Variants in KIAA0319 observed in about 807,000 individuals in gnomAD.
The protein encoded by KIAA0319 is dyslexia-associated protein KIAA0319.
Under a neutral mutation model 108.4 loss-of-function variants are expected in KIAA0319, and 83 were observed. The observed-to-expected ratio is 0.77, with a 90% confidence interval of 0.64 to 0.92. The LOEUF (loss-of-function observed/expected upper bound fraction) is 0.92. Among genes scored for constraint, KIAA0319 ranks in the 40% least tolerant of loss-of-function variants. The pLI, the probability that KIAA0319 is intolerant of heterozygous loss-of-function variation, is 0.00. For synonymous variants in KIAA0319, 484 were observed against 510.4 expected, an observed-to-expected ratio of 0.95 and a Z score of 0.70; for missense variants, 1,195 against 1,322.4, an observed-to-expected ratio of 0.90 and a Z score of 1.49.
rs1209081106 is a variant in KIAA0319, at chr6:24,600,983, G to A, written c.55+66C>T. 8 of 1,599,450 alleles carry A rather than the reference G, an allele frequency of 5.0e-6. No individual in the cohort carries two copies. In the African/African-American group the frequency reaches 8.1e-5, roughly 16 times the overall value. On this transcript the variant is annotated intron_variant, in intron 2 of 20. Transcript: ENST00000378214. ...CAGCGTCTTCACCTCAGGTTGATCT[G>A]AGTTGCTTACACTAGTCAAGAAACT... is the stretch of plus-strand genomic sequence containing the variant.
At chr6:24,567,126 C>T (rs1467878638) in intron 13 of KIAA0319, among the ~76,000 whole-genome samples, 1 of 152,010 alleles carries the variant, frequency 6.6e-6, no homozygotes, top group Non-Finnish European at 1.5e-5. Context: ...TACTGGTCCA[C>T]ACTATCTGGC....
chr6:24,548,644 G>A lies in KIAA0319; in HGVS notation c.3041-1301C>T, dbSNP rs536043922. 5.2e-4 allele frequency among the ~76,000 whole-genome samples: 79 copies of A among 152,256 alleles called. 2 individuals carry two copies. The South Asian group carries it at 0.015, about 28-fold the overall frequency. ...GAAGAGATTTTAGACAAGAGGACGG[G>A]GAAGGTCATGGAGTATGCAGAAGCA... On this transcript the variant is annotated intron_variant, in intron 20 of 20. Transcript: ENST00000378214.
intron 1 of KIAA0319, among the ~76,000 whole-genome samples, chr6:24,611,070 T>C (rs962499253): frequency 1.3e-5 from 2 of 152,106 alleles, no homozygotes; most frequent in African/African-American, 4.8e-5. Flanking sequence ...ATATGAAATA[T>C]GCAGGATGGT....
At chr6:24,576,151 A>G (rs553198516) in intron 10 of KIAA0319, among the ~76,000 whole-genome samples, 65 of 152,346 alleles carry the variant, frequency 4.3e-4, no homozygotes, top group Non-Finnish European at 9.0e-4. Flanking sequence ...CACAGAGCCA[A>G]TTGGTTGCTG....
chr6:24,596,954 TCCATCCATCCATCCATCCACCCTC>T (rs1164270626), intron 2 of KIAA0319, among the ~76,000 whole-genome samples: 3 of 151,788 alleles, frequency 2.0e-5, no homozygotes, highest in Non-Finnish European at 1.5e-5. Flanking sequence ...TTTCCATCCA[TCCATCCATCCATCCATCCACCCTC>T]CCATCCATCC....
intron 16 of KIAA0319, among the ~76,000 whole-genome samples, chr6:24,559,765 A>C (rs1182431031): frequency 6.6e-6 from 1 of 152,198 alleles, no homozygotes; most frequent in East Asian, 1.9e-4. Flanking sequence ...TGTAAATGGA[A>C]TGGCTTTTAG....
intron 1 of KIAA0319, among the ~76,000 whole-genome samples, chr6:24,618,971 A>G (rs554686186): frequency 6.6e-6 from 1 of 152,322 alleles, no homozygotes; most frequent in African/African-American, 2.4e-5. Flanking sequence ...AAGACTTAGG[A>G]GAGATGAGGG....
intron 17 of KIAA0319, among the ~76,000 whole-genome samples, chr6:24,557,763 CT>C (rs560646365): frequency 4.5e-4 from 66 of 145,890 alleles, no homozygotes; most frequent in African/African-American, 4.5e-4. Context: ...TCATAATATA[CT>C]TTTTTTTTTT....
chr6:24,601,325 A>G, intron 1 of KIAA0319, 117 bp from the exon 2 acceptor site: 1 of 1,355,116 alleles, frequency 7.4e-7, no homozygotes, highest in Non-Finnish European at 9.5e-7. Flanking sequence ...GTCACATCAC[A>G]GAGCCACAAC....
In KIAA0319 at chr6:24,585,809, C is replaced by T. The variant is rs1408991217; in HGVS notation, c.995-2107G>A. On this transcript the variant is annotated intron_variant, in intron 4 of 20. Coordinates refer to ENST00000378214, the MANE Select transcript of KIAA0319 (RefSeq NM_014809.4). ...CCTAAAATGTATAAAACCAAGGTGG[C>T]CAGGCACAGTGGCTCACACCTGTAA... 4.6e-5 allele frequency among the ~76,000 whole-genome samples: 7 copies of T among 152,118 alleles called. 1 individual carries two copies. In the East Asian group the frequency reaches 1.3e-3, roughly 29 times the overall value.
chr6:24,564,280 C>T lies in KIAA0319; in HGVS notation c.2353G>A (p.Val785Met), dbSNP rs777359139. 6.2e-7 allele frequency: 1 copy of T among 1,614,152 alleles called. No individual in the cohort carries two copies. The highest frequency in any genetic ancestry group is 1.3e-5 in the African/African-American group (1 of 75,050). Reference sequence around the variant, plus strand: ...GTGACTCGCAAGTGGAAAGTGTACACCCCCTCCACCAGATTCGTAAGCTGC... The same window carrying T: ...GTGACTCGCAAGTGGAAAGTGTACATCCCCTCCACCAGATTCGTAAGCTGC... ...ALQLTNLVEG[V>M]YTFHLRVTDS... is the part of the protein sequence containing the mutation. Residue 785 changes from valine (V) to methionine (M), a missense_variant, in exon 15 of 21, where the codon GTG (valine) becomes ATG (methionine). Physicochemically the swap from Val to Met is conservative, Grantham distance 21 (BLOSUM62 1). Coordinates refer to ENST00000378214, the MANE Select transcript of KIAA0319 (RefSeq NM_014809.4).
intron 20 of KIAA0319, among the ~76,000 whole-genome samples, chr6:24,548,834 T>G (rs1761013193): frequency 6.6e-6 from 1 of 152,202 alleles, no homozygotes; most frequent in South Asian, 2.1e-4. Context: ...GAAATGACAC[T>G]ATTAAAATGT....
intron 3 of KIAA0319, among the ~76,000 whole-genome samples, chr6:24,589,729 A>C (rs1407563350): frequency 3.3e-5 from 5 of 152,256 alleles, no homozygotes; most frequent in African/African-American, 1.2e-4. Context: ...CAATGTAAGA[A>C]TGGACTACTA....
At position 24,599,996 on chromosome 6, in the gene KIAA0319, T is replaced by C. The variant is rs1322183715; in HGVS notation, c.55+1053A>G. 1.3e-5 allele frequency among the ~76,000 whole-genome samples: 2 copies of C among 150,860 alleles called. No homozygotes were observed. The highest frequency in any genetic ancestry group is 2.1e-4 in the South Asian group (1 of 4,778). ...TACAAAACAATTCAATTGGTTTTTTTCCAAAATAAACCCTCAGCTAGTTCT... is the reference window on the plus strand; with the variant it reads ...TACAAAACAATTCAATTGGTTTTTTCCCAAAATAAACCCTCAGCTAGTTCT... On this transcript the variant is annotated intron_variant, in intron 2 of 20. Transcript: ENST00000378214. This position sits in a 1 kb window ranked among gnomAD's most constrained non-coding sequence, Gnocchi z 4.1.
chr6:24,582,524 C>T (rs1766738918), intron 5 of KIAA0319, among the ~76,000 whole-genome samples, 178 bp from the exon 6 acceptor site: 2 of 148,472 alleles, frequency 1.3e-5, no homozygotes, highest in African/African-American at 4.9e-5. Context: ...TGTTTTTATC[C>T]CCTCACTCTT....
At chr6:24,630,030 T>A (rs1775308882) in intron 1 of KIAA0319, among the ~76,000 whole-genome samples, 2 of 151,964 alleles carry the variant, frequency 1.3e-5, no homozygotes, top group Non-Finnish European at 2.9e-5. Flanking sequence ...AATACAAAAA[T>A]TAGCCGGGCA....
chr6:24,612,044 T>TC, intron 1 of KIAA0319, among the ~76,000 whole-genome samples: 1 of 70,398 alleles, frequency 1.4e-5, no homozygotes, highest in East Asian at 7.2e-4. Context: ...TGAGACTTTG[T>TC]TTCAAAAAAA....
intron 4 of KIAA0319, among the ~76,000 whole-genome samples, chr6:24,586,484 C>T (rs1767507120): frequency 6.6e-6 from 1 of 152,102 alleles, no homozygotes; most frequent in South Asian, 2.1e-4. Flanking sequence ...CCAAGAGATC[C>T]ACATCCATAG....
intron 11 of KIAA0319, among the ~76,000 whole-genome samples, chr6:24,571,638 TTC>T (rs532883851): frequency 3.9e-5 from 6 of 152,210 alleles, no homozygotes; most frequent in South Asian, 4.2e-4. Context: ...CTACCTCTTT[TTC>T]TCTCTCTCCA....
Sources: gnomAD v4.1 joint callset for allele counts (sites outside exome capture counted in the v4.1 genomes callset) on GRCh38, gnomAD v4.1.1 for gene constraint, Gnocchi (gnomAD v3.1) non-coding constraint, MANE v1.5 for transcripts, NCBI Gene and HGNC (gene_info 2026-07-23, HGNC 2026-07-21) for gene names.